SPHKAP: variants seen among roughly 807,000 people sequenced by gnomAD.
SPHKAP encodes A-kinase anchor protein SPHKAP.
SPHKAP carries 67 observed loss-of-function variants against 137.5 expected under a neutral mutation model. That is an observed-to-expected ratio of 0.49 (90% CI 0.40 to 0.60). The LOEUF (loss-of-function observed/expected upper bound fraction) is 0.60. Among genes scored for constraint, SPHKAP ranks in the 20% least tolerant of loss-of-function variants. The pLI, the probability that SPHKAP is intolerant of heterozygous loss-of-function variation, is 0.00. For synonymous variants in SPHKAP, 813 were observed against 785.3 expected (o/e 1.04, Z -0.59); for missense variants, 2,097 against 2,069.3 (o/e 1.01, Z -0.26).
chr2:228,030,370 C>G (rs1373487149), intron 3 of SPHKAP, among the ~76,000 whole-genome samples: 1 of 151,620 alleles, frequency 6.6e-6, no homozygotes, highest in Admixed American at 6.6e-5. Context: ...AAAAAACAGC[C>G]GGGTGTGGTG....
chr2:228,156,261 A>G (rs1700104398), intron 1 of SPHKAP, among the ~76,000 whole-genome samples: 1 of 152,198 alleles, frequency 6.6e-6, no homozygotes, highest in Non-Finnish European at 1.5e-5. Context: ...TAGTGTTCCT[A>G]ATGTACTGGC....
chr2:228,056,820 G>A (rs1696464434), intron 3 of SPHKAP, among the ~76,000 whole-genome samples: 1 of 152,046 alleles, frequency 6.6e-6, no homozygotes. Flanking sequence ...TTTTTTGGAT[G>A]GTTGCACATG....
In SPHKAP at chr2:227,980,401, T is replaced by C. The variant is rs1405915014; in HGVS notation, c.*1316A>G. The stretch of plus-strand genomic sequence containing the variant: ...ATGGGAACCTGTTCACATTTAAAAT[T>C]ACTTTGTGATCTTTAAAAATAGAGT... On this transcript the variant is annotated 3_prime_UTR_variant, in exon 12 of 12. Transcript: ENST00000392056. 6.6e-6 allele frequency: 1 copy of C among 152,234 alleles called. No homozygotes were observed. Among genetic ancestry groups the C allele is most frequent in the African/African-American group, 2.4e-5 (1 of 41,466 alleles). The allele number at this position is 152,234 out of a possible 1,614,324, so 9.4% of individuals were successfully genotyped here.
At chr2:228,025,807 C>A (rs550102131) in intron 4 of SPHKAP, 1 of 923,464 alleles carries the variant, frequency 1.1e-6, no homozygotes, top group Middle Eastern at 5.6e-4. Flanking sequence ...TAATTACTAT[C>A]ATACCACAGG....
intron 9 of SPHKAP, 68 bp from the exon 10 acceptor site, chr2:227,991,394 G>A: frequency 1.9e-6 from 3 of 1,610,486 alleles, no homozygotes; most frequent in Non-Finnish European, 2.5e-6. Flanking sequence ...GAAAGATGAG[G>A]CGATGGGTCT....
intron 7 of SPHKAP, among the ~76,000 whole-genome samples, chr2:228,011,123 A>G (rs2106197965): frequency 6.6e-6 from 1 of 152,356 alleles, no homozygotes; most frequent in South Asian, 2.1e-4. Flanking sequence ...GACCACAAGT[A>G]TAATGCAAAT....
At chr2:228,085,237 A>C (rs1697500654) in intron 3 of SPHKAP, among the ~76,000 whole-genome samples, 1 of 152,210 alleles carries the variant, frequency 6.6e-6, no homozygotes, top group Non-Finnish European at 1.5e-5. Context: ...AATAAATATC[A>C]CTGTTAACTT....
At position 228,019,688 on chromosome 2, in the gene SPHKAP, C is replaced by G. The variant is rs781527837; in HGVS notation, c.1166G>C (p.Gly389Ala). ...PPRQDGEVTT[G>A]KYATNLAESV... ...TTCTGCTAAATTTGTAGCATACTTGCCAGTGGTGACTTCTCCATCTTGTCT... is the reference window on the plus strand; with the variant it reads ...TTCTGCTAAATTTGTAGCATACTTGGCAGTGGTGACTTCTCCATCTTGTCT... The change falls in exon 7 of 12, where the codon GGC becomes GCC. Residue 389 changes from glycine (G) to alanine (A), a missense_variant. By Grantham distance (60) the Gly-to-Ala change is moderately conservative (BLOSUM62 0). Coordinates refer to ENST00000392056, the MANE Select transcript of SPHKAP (RefSeq NM_001142644.2). The G allele has an allele frequency of 2.5e-5, 41 of 1,614,040 alleles. No homozygotes were observed. The highest frequency in any genetic ancestry group is 3.4e-5 in the Non-Finnish European group (40 of 1,180,032).
At chr2:227,982,253 GATC>G (rs1416827383) in intron 11 of SPHKAP, 2 of 985,126 alleles carry the variant, frequency 2.0e-6, no homozygotes, top group Admixed American at 1.2e-4. Context: ...TCACAAATAA[GATC>G]TCATTGGGTG....
At chr2:228,061,852 A>G (rs1002806322) in intron 3 of SPHKAP, among the ~76,000 whole-genome samples, 1 of 152,130 alleles carries the variant, frequency 6.6e-6, no homozygotes, top group East Asian at 1.9e-4. Flanking sequence ...CTTTTCATTT[A>G]AAGACTAAGA....
intron 7 of SPHKAP, among the ~76,000 whole-genome samples, chr2:228,004,196 T>C (rs1005964373): frequency 2.0e-5 from 3 of 152,118 alleles, no homozygotes; most frequent in African/African-American, 7.2e-5. Flanking sequence ...GGTCCTGGGC[T>C]TTTTTTGGTT....
intron 2 of SPHKAP, among the ~76,000 whole-genome samples, chr2:228,113,544 T>G (rs1204171859): frequency 1.3e-5 from 2 of 151,466 alleles, no homozygotes; most frequent in Non-Finnish European, 2.9e-5. Flanking sequence ...AGTGTTCCAT[T>G]GAAATTATAT....
At chr2:228,028,343 A>G (rs879325065) in intron 3 of SPHKAP, among the ~76,000 whole-genome samples, 1 of 152,032 alleles carries the variant, frequency 6.6e-6, no homozygotes, top group Non-Finnish European at 1.5e-5. Flanking sequence ...GTTTTAGTTC[A>G]TTTTACTTTA....
At chr2:228,092,295 GCA>G (rs1166567839) in intron 3 of SPHKAP, among the ~76,000 whole-genome samples, 20 of 139,480 alleles carry the variant, frequency 1.4e-4, no homozygotes, top group South Asian at 2.2e-4. Flanking sequence ...GTGTATACGT[GCA>G]CACACACGTG....
intron 1 of SPHKAP, among the ~76,000 whole-genome samples, chr2:228,154,481 A>ACTCT (rs371642332): frequency 0.016 from 769 of 47,160 alleles, 22 homozygotes; most frequent in Middle Eastern, 0.031. Context: ...TTGTAAATAA[A>ACTCT]CTCTCTCTCT....
In SPHKAP at chr2:228,123,722, A is replaced by C. The variant is rs568727552; in HGVS notation, c.138+8258T>G. On this transcript the variant is annotated intron_variant, in intron 2 of 11. Coordinates refer to ENST00000392056, the MANE Select transcript of SPHKAP (RefSeq NM_001142644.2). Reference sequence around the variant, plus strand: ...GATGGTAGTTTGTTTCGCTGTGCAGAAGCTCTTTAGTTTAATTAGATCCCA... The same window carrying C: ...GATGGTAGTTTGTTTCGCTGTGCAGCAGCTCTTTAGTTTAATTAGATCCCA... Among the ~76,000 whole-genome samples the C allele has an allele frequency of 8.3e-4, 127 of 152,244 alleles. 1 individual carries two copies. The highest frequency in any genetic ancestry group is 3.0e-3 in the African/African-American group (123 of 41,540).
Position 228,017,131 on chromosome 2 carries a change from G to C in SPHKAP, c.3723C>G (p.Asp1241Glu), listed in dbSNP as rs1175619621. The C allele has an allele frequency of 5.6e-6, 9 of 1,613,948 alleles. No individual in the cohort carries two copies. Among genetic ancestry groups the C allele is most frequent in the Non-Finnish European group, 7.6e-6 (9 of 1,180,030 alleles). The change falls in exon 7 of 12, where the codon GAC (aspartate) becomes GAG (glutamate). Residue 1241 changes from aspartate (D) to glutamate (E), a missense_variant. Asp to Glu is a conservative substitution (Grantham distance 45). Coordinates refer to ENST00000392056, the MANE Select transcript of SPHKAP (RefSeq NM_001142644.2). ...TCAGCCTGGAGCATGGGGATCTGCTGTCTGGCATGGACGACTGTCTGTGGC... is the reference window on the plus strand; with the variant it reads ...TCAGCCTGGAGCATGGGGATCTGCTCTCTGGCATGGACGACTGTCTGTGGC... ...PVCHRQSSMP[D>E]SRSPCSRLTV... is the part of the protein sequence containing the mutation.
rs773871451 is a variant in SPHKAP at position 228,181,648 on chromosome 2, A to G, written c.-50T>C. 8 of 1,613,930 alleles carry G rather than the reference A, an allele frequency of 5.0e-6. No homozygotes were observed. Among genetic ancestry groups the G allele is most frequent in the East Asian group, 4.5e-5 (2 of 44,846 alleles). On this transcript the variant is annotated 5_prime_UTR_variant, in exon 1 of 12. Transcript: ENST00000392056. This position sits in a 1 kb window ranked among gnomAD's most constrained non-coding sequence, Gnocchi z 4.3. The stretch of plus-strand genomic sequence containing the variant: ...AGACGGAAAGTGCAGGCGAAGGATA[A>G]GTCTGTGGTGCTAGGACCCAGCTCC...
chr2:228,136,259 A>G (rs535615250), intron 1 of SPHKAP, among the ~76,000 whole-genome samples: 1 of 152,346 alleles, frequency 6.6e-6, no homozygotes, highest in South Asian at 2.1e-4. Context: ...TGTTGACAAT[A>G]TTTATTAAGC....
Sources: gnomAD v4.1 joint callset for allele counts (sites outside exome capture counted in the v4.1 genomes callset) on GRCh38, gnomAD v4.1.1 for gene constraint, Gnocchi (gnomAD v3.1) non-coding constraint, MANE v1.5 for transcripts, NCBI Gene and HGNC (gene_info 2026-07-23, HGNC 2026-07-21) for gene names.